Variants in KCNQ1 observed in about 807,000 individuals in gnomAD.
The protein encoded by KCNQ1 is potassium voltage-gated channel subfamily Q member 1.
A neutral mutation model predicts 72.4 loss-of-function variants in KCNQ1; 49 were observed. That is an observed-to-expected ratio of 0.68 (90% CI 0.54 to 0.86). The LOEUF is 0.86. KCNQ1 is among the 40% of genes least tolerant of loss of function. The pLI is 0.00. For synonymous variants in KCNQ1, 450 were observed against 412.6 expected, an observed-to-expected ratio of 1.09 and a Z score of -1.10; for missense variants, 790 against 945.1, an observed-to-expected ratio of 0.84 and a Z score of 2.15.
rs1171913249 is a variant in KCNQ1, at chr11:2,703,138, G to T, written c.1514+41057G>T. Reference sequence around the variant, plus strand: ...GGCTGCCAGGCAGGCTGGGAGGTGAGCCCAGGGCTGGCCTTGGGCACCATG... The same window carrying T: ...GGCTGCCAGGCAGGCTGGGAGGTGATCCCAGGGCTGGCCTTGGGCACCATG... On this transcript the variant is annotated intron_variant, in intron 11 of 15. Coordinates refer to ENST00000155840, the MANE Select transcript of KCNQ1 (RefSeq NM_000218.3). This position sits in a 1 kb window ranked among gnomAD's most constrained non-coding sequence, Gnocchi z 6.4. 1.3e-5 allele frequency among the ~76,000 whole-genome samples: 2 copies of T among 152,210 alleles called. No individual in the cohort carries two copies. The highest frequency in any genetic ancestry group is 4.8e-5 in the African/African-American group (2 of 41,454).
Position 2,769,954 on chromosome 11 carries a change from C to A in KCNQ1, c.1590+1035C>A, listed in dbSNP as rs890659441. 6.6e-6 allele frequency among the ~76,000 whole-genome samples: 1 copy of A among 152,054 alleles called. No individual in the cohort carries two copies. The highest frequency in any genetic ancestry group is 2.4e-5 in the African/African-American group (1 of 41,400). On this transcript the variant is annotated intron_variant, in intron 12 of 15. Transcript: ENST00000155840. This position sits in a 1 kb window ranked among gnomAD's most constrained non-coding sequence, Gnocchi z 4.6. ...CAGCCCACCAAGACTTATCCTGGAGCCACTGAGCTCCCTGCTAGGGTCTGG... is the reference window on the plus strand; with the variant it reads ...CAGCCCACCAAGACTTATCCTGGAGACACTGAGCTCCCTGCTAGGGTCTGG...
At position 2,653,187 on chromosome 11, in the gene KCNQ1, C is replaced by T; in HGVS notation, c.1394-8774C>T. ...TAGGAAATCCCTTTCCAAGAGTTCC[C>T]TGTGCTGTTGCAGGGCTAGGGCCAG... On this transcript the variant is annotated intron_variant, in intron 10 of 15. Transcript: ENST00000155840. This position sits in a 1 kb window ranked among gnomAD's most constrained non-coding sequence, Gnocchi z 5.3. 2.5e-6 allele frequency: 1 copy of T among 398,736 alleles called. No homozygotes were observed. The highest frequency in any genetic ancestry group is 4.4e-6 in the Non-Finnish European group (1 of 226,122). 24.7% of individuals were successfully genotyped at this position (398,736 alleles called of 1,614,324 possible).
At chr11:2,765,329 A>C (rs935859367) in intron 11 of KCNQ1, among the ~76,000 whole-genome samples, 10 of 152,204 alleles carry the variant, frequency 6.6e-5, no homozygotes, top group Non-Finnish European at 1.0e-4. Context: ...ATGGATTTCT[A>C]ATTTAATTGT....
At position 2,613,179 on chromosome 11, in the gene KCNQ1, C is replaced by T; in HGVS notation, c.1393+24325C>T. On this transcript the variant is annotated intron_variant, in intron 10 of 15. Transcript: ENST00000155840. The surrounding 1 kb of genome is among the most constrained non-coding windows in gnomAD (Gnocchi z 4.8). ...TGGGTTGGGACATTCAAAGTTCAGG[C>T]ACTTTATAACTCTGTCCTGTATTTT... 2.5e-6 allele frequency: 1 copy of T among 398,522 alleles called. No individual in the cohort carries two copies. Among genetic ancestry groups the T allele is most frequent in the Admixed American group, 4.4e-5 (1 of 22,724 alleles). The allele number at this position is 398,522 out of a possible 1,614,324, so 24.7% of individuals were successfully genotyped here.
Position 2,482,404 on chromosome 11 carries a change from T to C in KCNQ1, c.386+36920T>C, listed in dbSNP as rs1193322789. Among the ~76,000 whole-genome samples the C allele has an allele frequency of 2.6e-5, 4 of 152,214 alleles. No individual in the cohort carries two copies. The highest frequency in any genetic ancestry group is 9.7e-5 in the African/African-American group (4 of 41,448). ...GTTATTGAACGTAATCAACTCTCTA[T>C]TGACGGCTGGGTTATTTCCTAATTG... On this transcript the variant is annotated intron_variant, in intron 1 of 15. Transcript: ENST00000155840. This position sits in a 1 kb window ranked among gnomAD's most constrained non-coding sequence, Gnocchi z 5.7.
chr11:2,520,785 C>T (rs965333642), intron 1 of KCNQ1, among the ~76,000 whole-genome samples: 2 of 152,064 alleles, frequency 1.3e-5, no homozygotes, highest in Non-Finnish European at 2.9e-5. Context: ...TGGAGTCTCC[C>T]AGGATGACTT....
At chr11:2,770,520 C>T (rs990200768) in intron 12 of KCNQ1, among the ~76,000 whole-genome samples, 1 of 152,260 alleles carries the variant, frequency 6.6e-6, no homozygotes, top group Non-Finnish European at 1.5e-5. Flanking sequence ...GTTTCGCATG[C>T]ACAGCCCTCC....
At position 2,486,629 on chromosome 11, in the gene KCNQ1, G is replaced by A. The variant is rs1846744069; in HGVS notation, c.386+41145G>A. Among the ~76,000 whole-genome samples, 1 of 152,212 alleles carries A rather than the reference G, an allele frequency of 6.6e-6. No individual in the cohort carries two copies. On this transcript the variant is annotated intron_variant, in intron 1 of 15. Coordinates refer to ENST00000155840, the MANE Select transcript of KCNQ1 (RefSeq NM_000218.3). The surrounding 1 kb of genome is among the most constrained non-coding windows in gnomAD (Gnocchi z 5.0). The stretch of plus-strand genomic sequence containing the variant: ...AGAAAAGAGGTTTAATTGGCTTATG[G>A]TTCTGCAGGCTGTACAAGAAACATG...
chr11:2,666,692 T>C (rs990527008), intron 11 of KCNQ1: 12 of 398,680 alleles, frequency 3.0e-5, no homozygotes, highest in Non-Finnish European at 4.4e-5. Context: ...CTGGGACATT[T>C]TGGAGACATC....
At chr11:2,522,774 T>C (rs577860433) in intron 1 of KCNQ1, among the ~76,000 whole-genome samples, 1 of 152,290 alleles carries the variant, frequency 6.6e-6, no homozygotes, top group Non-Finnish European at 1.5e-5. Flanking sequence ...CCCTGCTGGC[T>C]CCCAACCCCC....
In KCNQ1 at chr11:2,567,175, G is replaced by A. The variant is rs1848260764; in HGVS notation, c.478-3453G>A. 1.3e-5 allele frequency among the ~76,000 whole-genome samples: 2 copies of A among 152,146 alleles called. No individual in the cohort carries two copies. The highest frequency in any genetic ancestry group is 2.1e-4 in the South Asian group (1 of 4,832). ...AGCAGGAGCTATGGCAGCTGCTTGAGCAAGGTGGGCAAGGGAGAAGTACCA... is the reference window on the plus strand; with the variant it reads ...AGCAGGAGCTATGGCAGCTGCTTGAACAAGGTGGGCAAGGGAGAAGTACCA... On this transcript the variant is annotated intron_variant, in intron 2 of 15. Transcript: ENST00000155840. This position sits in a 1 kb window ranked among gnomAD's most constrained non-coding sequence, Gnocchi z 6.6.
At position 2,627,458 on chromosome 11, in the gene KCNQ1, C is replaced by T. The variant is rs937130275; in HGVS notation, c.1394-34503C>T. The T allele has an allele frequency of 2.5e-6, 1 of 398,356 alleles. No individual in the cohort carries two copies. The highest frequency in any genetic ancestry group is 2.1e-5 in the African/African-American group (1 of 48,606). 24.7% of individuals were successfully genotyped at this position (398,356 alleles called of 1,614,324 possible). A position where few individuals can be genotyped will look rare whatever the true frequency, so the allele number is the denominator to read the frequency against. ...GTACCCTTCAACATTTCCTATTTCCCCTACTCCCTGACCCCTAGTAACCAC... is the reference window on the plus strand; with the variant it reads ...GTACCCTTCAACATTTCCTATTTCCTCTACTCCCTGACCCCTAGTAACCAC... On this transcript the variant is annotated intron_variant, in intron 10 of 15. Coordinates refer to ENST00000155840, the MANE Select transcript of KCNQ1 (RefSeq NM_000218.3). This position sits in a 1 kb window ranked among gnomAD's most constrained non-coding sequence, Gnocchi z 4.9.
At chr11:2,618,124 C>T (rs185216188) in intron 10 of KCNQ1, 35 of 398,366 alleles carry the variant, frequency 8.8e-5, no homozygotes, top group African/African-American at 7.0e-4. Context: ...GAGCTTTTCC[C>T]CTATGTTTTC....
intron 1 of KCNQ1, among the ~76,000 whole-genome samples, chr11:2,472,773 C>T (rs1246629286): frequency 1.3e-5 from 2 of 152,090 alleles, no homozygotes; most frequent in East Asian, 3.9e-4. Context: ...AGTAGAGCTG[C>T]CCAGCCCTGC....
In KCNQ1 at chr11:2,481,051, G is replaced by A. The variant is rs896867540; in HGVS notation, c.386+35567G>A. Among the ~76,000 whole-genome samples the A allele has an allele frequency of 6.6e-6, 1 of 152,172 alleles. No individual in the cohort carries two copies. Among genetic ancestry groups the A allele is most frequent in the Non-Finnish European group, 1.5e-5 (1 of 68,028 alleles). On this transcript the variant is annotated intron_variant, in intron 1 of 15. Coordinates refer to ENST00000155840, the MANE Select transcript of KCNQ1 (RefSeq NM_000218.3). The surrounding 1 kb of genome is among the most constrained non-coding windows in gnomAD (Gnocchi z 4.6). ...AAATCATATAAATCGAAAGTTAGAA[G>A]AGAATTACCACATCATGTTGGATTT...
chr11:2,687,181 GC>G lies in KCNQ1; in HGVS notation c.1514+25103del. On this transcript the variant is annotated intron_variant, in intron 11 of 15. Coordinates refer to ENST00000155840, the MANE Select transcript of KCNQ1 (RefSeq NM_000218.3). The surrounding 1 kb of genome is among the most constrained non-coding windows in gnomAD (Gnocchi z 5.0). ...CACAAAGCACAGAAGTCTGCCAAAAGCCCAGGCTGGATAGGGAGCATCACAC... is the reference window on the plus strand; with the variant it reads ...CACAAAGCACAGAAGTCTGCCAAAAGCCAGGCTGGATAGGGAGCATCACAC... 2.5e-6 allele frequency: 1 copy of G among 398,542 alleles called. No individual in the cohort carries two copies. The highest frequency in any genetic ancestry group is 4.4e-6 in the Non-Finnish European group (1 of 226,090). The allele number at this position is 398,542 out of a possible 1,614,324, so 24.7% of individuals were successfully genotyped here.
rs1016353409 is a variant in KCNQ1 at position 2,690,180 on chromosome 11, C to T, written c.1514+28099C>T. 3 of 398,712 alleles carry T rather than the reference C, an allele frequency of 7.5e-6. No individual in the cohort carries two copies. Among genetic ancestry groups the T allele is most frequent in the African/African-American group, 4.1e-5 (2 of 48,658 alleles). 24.7% of individuals were successfully genotyped at this position (398,712 alleles called of 1,614,324 possible). On this transcript the variant is annotated intron_variant, in intron 11 of 15. Transcript: ENST00000155840. This position sits in a 1 kb window ranked among gnomAD's most constrained non-coding sequence, Gnocchi z 5.1. ...ATGACAGGATGTGGAAGGCTGGTCT[C>T]TCCAGAGACTGGGCTAAACTCTGCT...
Position 2,813,483 on chromosome 11 carries a change from C to A in KCNQ1, c.1795-34284C>A, listed in dbSNP as rs763734968. On this transcript the variant is annotated intron_variant, in intron 15 of 15. Transcript: ENST00000155840. The surrounding 1 kb of genome is among the most constrained non-coding windows in gnomAD (Gnocchi z 4.4). ...TTTCATGACTCTCCCCCTTCCTCAA[C>A]CCTGCGCCTGGTCACCAAGTCCTGA... is the stretch of plus-strand genomic sequence containing the variant. Among the ~76,000 whole-genome samples, 11 of 152,120 alleles carry A rather than the reference C, an allele frequency of 7.2e-5. No individual in the cohort carries two copies. The highest frequency in any genetic ancestry group is 1.5e-4 in the Non-Finnish European group (10 of 68,028).
At chr11:2,605,560 C>T (rs960449275) in intron 10 of KCNQ1, among the ~76,000 whole-genome samples, 4 of 152,186 alleles carry the variant, frequency 2.6e-5, no homozygotes, top group African/African-American at 9.7e-5. Flanking sequence ...CCGCATTGAA[C>T]ATTCTTGGCA....
Sources: gnomAD v4.1 joint callset for allele counts (sites outside exome capture counted in the v4.1 genomes callset) on GRCh38, gnomAD v4.1.1 for gene constraint, Gnocchi (gnomAD v3.1) non-coding constraint, MANE v1.5 for transcripts, NCBI Gene and HGNC (gene_info 2026-07-23, HGNC 2026-07-21) for gene names.